The following RALYL variants were observed in gnomAD, a reference collection of about 807,000 sequenced individuals.
RALYL encodes the protein RALY RNA binding protein like.
Under a neutral mutation model 35.1 loss-of-function variants are expected in RALYL, and 29 were observed. That is an observed-to-expected ratio of 0.83 (90% CI 0.61 to 1.13). The LOEUF (loss-of-function observed/expected upper bound fraction) is 1.13, where lower values mean the gene tolerates loss of function less well. Ranked by LOEUF, RALYL falls within the 50% of genes most tolerant of loss-of-function variation. RALYL has a pLI of 0.00. For missense variants in RALYL, 359 were observed against 360.4 expected (o/e 1.00, Z 0.03); for synonymous variants, 120 against 127.6 (o/e 0.94, Z 0.40).
intron 2 of RALYL, chr8:84,678,968 GA>G: frequency 4.3e-6 from 1 of 234,616 alleles, no homozygotes; most frequent in Non-Finnish European, 8.8e-6. Flanking sequence ...AACTTCTTAA[GA>G]AAATTAATTA....
At chr8:84,505,871 G>T (rs1441533968) in intron 1 of RALYL, among the ~76,000 whole-genome samples, 1 of 151,902 alleles carries the variant, frequency 6.6e-6, no homozygotes, top group Admixed American at 6.6e-5. Context: ...TAAAAATGTT[G>T]GCATATTACC....
At chr8:84,480,874 C>T (rs2133879391) in intron 1 of RALYL, among the ~76,000 whole-genome samples, 1 of 151,860 alleles carries the variant, frequency 6.6e-6, no homozygotes, top group African/African-American at 2.4e-5. Flanking sequence ...GATGGATGAC[C>T]TTATAAAGTA....
chr8:84,595,281 T>G (rs1333069155), intron 2 of RALYL, among the ~76,000 whole-genome samples: 1 of 152,186 alleles, frequency 6.6e-6, no homozygotes, highest in Non-Finnish European at 1.5e-5. Context: ...TTACTTGTGT[T>G]GCCTATTGAC....
intron 4 of RALYL, among the ~76,000 whole-genome samples, chr8:84,825,090 A>G (rs1829380725): frequency 6.6e-6 from 1 of 152,142 alleles, no homozygotes; most frequent in African/African-American, 2.4e-5. Flanking sequence ...CAAAATATTC[A>G]CAAACTATAT....
intron 2 of RALYL, among the ~76,000 whole-genome samples, chr8:84,650,724 A>G (rs1330109799): frequency 6.6e-6 from 1 of 151,778 alleles, no homozygotes; most frequent in Non-Finnish European, 1.5e-5. Context: ...ATTACTGGGT[A>G]TATACCCAAA....
At chr8:84,424,806 G>T (rs1380652505) in intron 1 of RALYL, among the ~76,000 whole-genome samples, 1 of 152,074 alleles carries the variant, frequency 6.6e-6, no homozygotes, top group South Asian at 2.1e-4. Flanking sequence ...GGAATACCCT[G>T]CTGTGTGAGG....
chr8:84,842,042 A>T (rs1333809980), intron 4 of RALYL, among the ~76,000 whole-genome samples: 1 of 152,224 alleles, frequency 6.6e-6, no homozygotes, highest in Non-Finnish European at 1.5e-5. Context: ...ACACCCTAAC[A>T]TCACAATTAA....
intron 1 of RALYL, among the ~76,000 whole-genome samples, chr8:84,401,531 G>A (rs1441544059): frequency 1.3e-5 from 2 of 150,924 alleles, no homozygotes; most frequent in African/African-American, 4.9e-5. Flanking sequence ...CCAGCTACTC[G>A]GGAGGCTGAG....
intron 2 of RALYL, among the ~76,000 whole-genome samples, chr8:84,681,708 G>A (rs556331638): frequency 2.6e-5 from 4 of 152,266 alleles, no homozygotes; most frequent in East Asian, 3.9e-4. Context: ...ACTGTTTGCC[G>A]CAGTTGCTTA....
intron 1 of RALYL, among the ~76,000 whole-genome samples, chr8:84,407,513 T>C (rs759901365): frequency 1.7e-4 from 26 of 152,226 alleles, no homozygotes; most frequent in Middle Eastern, 3.4e-3. Context: ...TTTGCAAAGG[T>C]AGTGAAAATA....
chr8:84,910,368 C>T (rs1847299452), intron 8 of RALYL, among the ~76,000 whole-genome samples: 1 of 151,980 alleles, frequency 6.6e-6, no homozygotes, highest in South Asian at 2.1e-4. Context: ...AAGTCTTGGG[C>T]TATAAGATGT....
chr8:84,212,621 C>A (rs1011473922), intron 1 of RALYL, among the ~76,000 whole-genome samples: 2 of 152,080 alleles, frequency 1.3e-5, no homozygotes, highest in African/African-American at 4.8e-5. Context: ...ATAGGAATAT[C>A]TGGAGCTGTA....
intron 1 of RALYL, among the ~76,000 whole-genome samples, chr8:84,402,830 C>G (rs1459355350): frequency 6.6e-6 from 1 of 152,048 alleles, no homozygotes; most frequent in Admixed American, 6.5e-5. Context: ...CTGTTGTTTC[C>G]TGACTTTTTA....
chr8:84,311,053 C>CAAAAAAAAAAAAAAAAAAAAAAAAAAAAA (rs34029529), intron 1 of RALYL, among the ~76,000 whole-genome samples: 1 of 9,530 alleles, frequency 1.0e-4, no homozygotes, highest in African/African-American at 4.2e-4. Flanking sequence ...GACTCCGTCT[C>CAAAAAAAAAAAAAAAAAAAAAAAAAAAAA]AAAAAAAAAA....
chr8:84,319,958 A>G (rs569055439), intron 1 of RALYL, among the ~76,000 whole-genome samples: 8 of 152,092 alleles, frequency 5.3e-5, no homozygotes, highest in African/African-American at 1.9e-4. Flanking sequence ...TATGTATAAA[A>G]CTCTTGCATT....
intron 1 of RALYL, among the ~76,000 whole-genome samples, chr8:84,350,948 G>A (rs1264858552): frequency 6.7e-6 from 1 of 149,904 alleles, no homozygotes; most frequent in African/African-American, 2.5e-5. Context: ...TCTCTGTTGG[G>A]GAGATACCTG....
rs116867682 is a variant in RALYL, at chr8:84,443,327, A to G, written c.-23-85972A>G. On this transcript the variant is annotated intron_variant, in intron 1 of 8. Transcript: ENST00000521268. The stretch of plus-strand genomic sequence containing the variant: ...AACTGTTTGGATTAGGGAATCATTG[A>G]CCCTAGTTACGTAAAAAACTCCAAA... Among the ~76,000 whole-genome samples the G allele has an allele frequency of 8.0e-4, 122 of 152,226 alleles. 1 individual carries two copies. In the East Asian group the frequency reaches 0.022, roughly 27 times the overall value.
At chr8:84,499,995 G>T (rs974442289) in intron 1 of RALYL, among the ~76,000 whole-genome samples, 1 of 152,026 alleles carries the variant, frequency 6.6e-6, no homozygotes. Context: ...GGGCTCAAGT[G>T]ATCCTCCAGC....
intron 2 of RALYL, among the ~76,000 whole-genome samples, chr8:84,667,887 G>A (rs1437896984): frequency 6.6e-6 from 1 of 152,104 alleles, no homozygotes; most frequent in Non-Finnish European, 1.5e-5. Context: ...ATATAACCTA[G>A]GGAGGATGGC....
Sources: gnomAD v4.1 joint callset for allele counts (sites outside exome capture counted in the v4.1 genomes callset) on GRCh38, gnomAD v4.1.1 for gene constraint, MANE v1.5 for transcripts, NCBI Gene and HGNC (gene_info 2026-07-23, HGNC 2026-07-21) for gene names.